Variants in MCM2 observed in about 807,000 individuals in gnomAD.
MCM2 encodes DNA replication licensing factor MCM2.
MCM2 carries 49 observed loss-of-function variants against 86.4 expected under a neutral mutation model. The observed-to-expected ratio is 0.57, with a 90% confidence interval of 0.45 to 0.72. The LOEUF is 0.72. Among genes scored for constraint, MCM2 ranks in the 30% least tolerant of loss-of-function variants. The pLI is 0.00. For missense variants in MCM2, 1,038 were observed against 1,259.9 expected (o/e 0.82, Z 2.67); for synonymous variants, 475 against 484.6 (o/e 0.98, Z 0.26).
chr3:127,615,786 C>G, intron 8 of MCM2, 76 bp from the exon 9 acceptor site: 1 of 1,072,114 alleles, frequency 9.3e-7, no homozygotes, highest in Non-Finnish European at 1.4e-6. Context: ...TCGTGGTTCC[C>G]TGATGCCAGA....
Position 127,618,192 on chromosome 3 carries a change from G to A in MCM2, c.2013+111G>A. ...GGGGACAGGTGCTGCAGGGGCCATAGGCTGTTTTCTAGTCCTGTTCCCTCG... is the reference window on the plus strand; with the variant it reads ...GGGGACAGGTGCTGCAGGGGCCATAAGCTGTTTTCTAGTCCTGTTCCCTCG... On this transcript the variant is annotated intron_variant, in intron 12 of 15. Transcript: ENST00000265056. The surrounding 1 kb of genome is among the most constrained non-coding windows in gnomAD (Gnocchi z 4.0). 1 of 819,224 alleles carries A rather than the reference G, an allele frequency of 1.2e-6. No individual in the cohort carries two copies. The highest frequency in any genetic ancestry group is 2.1e-6 in the Non-Finnish European group (1 of 485,352). 50.7% of individuals were successfully genotyped at this position (819,224 alleles called of 1,614,324 possible). A position where few individuals can be genotyped will look rare whatever the true frequency, so the allele number is the denominator to read the frequency against.
rs749850316 is a variant in MCM2, at chr3:127,598,486, C to T, written c.6+14C>T. ...ACTGCTATGGCGGTGAGCGCGCTGG[C>T]GCGTGGCGGGCGGGCGCCGGGGACA... On this transcript the variant is annotated intron_variant, in intron 1 of 15. Coordinates refer to ENST00000265056, the MANE Select transcript of MCM2 (RefSeq NM_004526.4). 4.3e-6 allele frequency: 7 copies of T among 1,612,054 alleles called. No homozygotes were observed. The African/African-American group carries it at 9.4e-5, about 22-fold the overall frequency.
Position 127,621,961 on chromosome 3 carries a change from C to T in MCM2, c.*188C>T, listed in dbSNP as rs1379742138. On this transcript the variant is annotated 3_prime_UTR_variant, in exon 16 of 16. Transcript: ENST00000265056. ...TCCAAGCCTGCTTTGTGCTTCTCACCTTTGGGTGGGATGCCTTGCCAGTGT... is the reference window on the plus strand; with the variant it reads ...TCCAAGCCTGCTTTGTGCTTCTCACTTTTGGGTGGGATGCCTTGCCAGTGT... 3.6e-6 allele frequency: 2 copies of T among 552,866 alleles called. No individual in the cohort carries two copies. Among genetic ancestry groups the T allele is most frequent in the South Asian group, 2.2e-5 (1 of 45,510 alleles). 34.2% of individuals were successfully genotyped at this position (552,866 alleles called of 1,614,324 possible). A position where few individuals can be genotyped will look rare whatever the true frequency, so the allele number is the denominator to read the frequency against.
At chr3:127,619,004 C>G in intron 12 of MCM2, 23 bp from the exon 13 acceptor site, 2 of 1,558,694 alleles carry the variant, frequency 1.3e-6, no homozygotes, top group South Asian at 2.4e-5. Flanking sequence ...CAATCAGACC[C>G]ACCCTCTCAT....
At position 127,606,856 on chromosome 3, in the gene MCM2, G is replaced by A. The variant is rs2074355882; in HGVS notation, c.1101+39G>A. On this transcript the variant is annotated intron_variant, in intron 6 of 15. Transcript: ENST00000265056. This position sits in a 1 kb window ranked among gnomAD's most constrained non-coding sequence, Gnocchi z 4.2. The stretch of plus-strand genomic sequence containing the variant: ...CAAGGTCTGCTGCCAGCTGTCCTTA[G>A]GGGTGCCCAGTATGCAGGACCTGAC... 6.2e-7 allele frequency: 1 copy of A among 1,600,908 alleles called. No individual in the cohort carries two copies. Among genetic ancestry groups the A allele is most frequent in the African/African-American group, 1.3e-5 (1 of 74,774 alleles).
Position 127,606,588 on chromosome 3 carries a change from G to T in MCM2, c.894-22G>T, listed in dbSNP as rs912697142. On this transcript the variant is annotated intron_variant, in intron 5 of 15. Coordinates refer to ENST00000265056, the MANE Select transcript of MCM2 (RefSeq NM_004526.4). This position sits in a 1 kb window ranked among gnomAD's most constrained non-coding sequence, Gnocchi z 4.2. ...GGCCTCACCCTGGCTCACGGCTTCT[G>T]ATGCACCCTCTGCCTCCGCAGGCAG... The T allele has an allele frequency of 6.2e-7, 1 of 1,609,836 alleles. No individual in the cohort carries two copies.
At position 127,599,426 on chromosome 3, in the gene MCM2, A is replaced by C. The variant is rs1576410104; in HGVS notation, c.115A>C (p.Thr39Pro). ...GRSSRRTDAL[T>P]SSPGRDLPPF... ...AAGCTCCCGGCGTACTGATGCCCTCACCTCCAGCCCTGGCCGTGACCTTCC... is the reference window on the plus strand; with the variant it reads ...AAGCTCCCGGCGTACTGATGCCCTCCCCTCCAGCCCTGGCCGTGACCTTCC... The change falls in exon 2 of 16, where the codon ACC becomes CCC. Residue 39 changes from threonine to proline, a missense_variant. Physicochemically the swap from Thr to Pro is conservative, Grantham distance 38 (BLOSUM62 -1). Coordinates refer to ENST00000265056, the MANE Select transcript of MCM2 (RefSeq NM_004526.4). The C allele has an allele frequency of 6.2e-7, 1 of 1,613,952 alleles. No individual in the cohort carries two copies. The highest frequency in any genetic ancestry group is 8.5e-7 in the Non-Finnish European group (1 of 1,180,008).
At chr3:127,608,238 G>T in intron 6 of MCM2, 144 bp from the exon 7 acceptor site, 1 of 1,005,220 alleles carries the variant, frequency 9.9e-7, no homozygotes, top group South Asian at 1.5e-5. Context: ...GTGCTGAGTC[G>T]CCATGAACTC....
At chr3:127,611,682 C>CTTTTGTTTT (rs2074396799) in intron 8 of MCM2, among the ~76,000 whole-genome samples, 1 of 54,256 alleles carries the variant, frequency 1.8e-5, no homozygotes, top group Non-Finnish European at 3.1e-5. Flanking sequence ...CTGCAGCTGA[C>CTTTTGTTTT]TTTTTTTTTT....
In MCM2 at chr3:127,617,587, T is replaced by G; in HGVS notation, c.1900+182T>G. On this transcript the variant is annotated intron_variant, in intron 11 of 15. Coordinates refer to ENST00000265056, the MANE Select transcript of MCM2 (RefSeq NM_004526.4). The surrounding 1 kb of genome is among the most constrained non-coding windows in gnomAD (Gnocchi z 4.1). ...CAGTGAAAGTGGGACCTGGGACACC[T>G]GGGTTTCCTGTTGAGTCATGTTCCT... The G allele has an allele frequency of 1.3e-6, 1 of 750,728 alleles. No homozygotes were observed. The allele number at this position is 750,728 out of a possible 1,614,324, so 46.5% of individuals were successfully genotyped here.
chr3:127,619,016 G>A lies in MCM2; in HGVS notation c.2014-11G>A. 6.3e-7 allele frequency: 1 copy of A among 1,576,284 alleles called. No homozygotes were observed. ...CCACAATCAGACCCACCCTCTCATGGCTTATCTTAGGACGAGATGCTGGCC... is the reference window on the plus strand; with the variant it reads ...CCACAATCAGACCCACCCTCTCATGACTTATCTTAGGACGAGATGCTGGCC... On this transcript the variant is annotated splice_polypyrimidine_tract_variant and intron_variant, in intron 12 of 15. Coordinates refer to ENST00000265056, the MANE Select transcript of MCM2 (RefSeq NM_004526.4).
intron 2 of MCM2, among the ~76,000 whole-genome samples, chr3:127,602,444 G>C (rs775906384): frequency 6.6e-6 from 1 of 152,154 alleles, no homozygotes; most frequent in Non-Finnish European, 1.5e-5. Context: ...CAAGGGGATT[G>C]TCTTGGGGAG....
Position 127,606,773 on chromosome 3 carries a change from C to A in MCM2, c.1057C>A (p.Pro353Thr). The change falls in exon 6 of 16, where the codon CCT (proline) becomes ACT (threonine). Residue 353 changes from proline (P) to threonine (T), a missense_variant. Physicochemically the swap from Pro to Thr is conservative, Grantham distance 38. Transcript: ENST00000265056. This position sits in a 1 kb window ranked among gnomAD's most constrained non-coding sequence, Gnocchi z 4.2. ...CCAGGAGGTGAAACCAGGCTCCTGT[C>A]CTGAGTGCCAGTCGGCCGGCCCCTT... ...QNQEVKPGSC[P>T]ECQSAGPFEV... 1 of 1,614,234 alleles carries A rather than the reference C, an allele frequency of 6.2e-7. No individual in the cohort carries two copies.
At chr3:127,616,700 A>T (rs1156325963) in intron 9 of MCM2, among the ~76,000 whole-genome samples, 168 bp from the exon 10 acceptor site, 1 of 152,190 alleles carries the variant, frequency 6.6e-6, no homozygotes, top group East Asian at 1.9e-4. Flanking sequence ...TTTCCCTGGG[A>T]GTGCCCAGAG....
At chr3:127,611,681 A>ATTTT (rs2074396629) in intron 8 of MCM2, among the ~76,000 whole-genome samples, 1 of 91,942 alleles carries the variant, frequency 1.1e-5, no homozygotes, top group Non-Finnish European at 2.0e-5. Flanking sequence ...TCTGCAGCTG[A>ATTTT]CTTTTTTTTT....
chr3:127,602,104 G>T (rs2074309956), intron 2 of MCM2, among the ~76,000 whole-genome samples: 6 of 148,994 alleles, frequency 4.0e-5, no homozygotes, highest in Admixed American at 4.0e-4. Context: ...CTTTTTCGTG[G>T]TTTTAATGTT....
chr3:127,621,323 G>T lies in MCM2; in HGVS notation c.2604+95G>T, dbSNP rs796553937. The T allele has an allele frequency of 6.2e-6, 9 of 1,462,608 alleles. No homozygotes were observed. In the African/African-American group the frequency reaches 1.3e-4, roughly 21 times the overall value. The allele number at this position is 1,462,608 out of a possible 1,614,324, so 90.6% of individuals were successfully genotyped here. ...CTCCATCATAATGGGTCATGAAGTG[G>T]GTGGGCCTTGGTTGACAGCCATTTA... On this transcript the variant is annotated intron_variant, in intron 15 of 15. Transcript: ENST00000265056.
chr3:127,600,609 C>T (rs1172503770), intron 2 of MCM2, among the ~76,000 whole-genome samples: 2 of 152,152 alleles, frequency 1.3e-5, no homozygotes, highest in Non-Finnish European at 2.9e-5. Context: ...GATGAGACTG[C>T]ATGTGCTGTA....
rs748593886 is a variant in MCM2, at chr3:127,619,269, A to G, written c.2256A>G (p.Lys752=). 1.1e-5 allele frequency: 18 copies of G among 1,613,310 alleles called. No homozygotes were observed. Among genetic ancestry groups the G allele is most frequent in the Non-Finnish European group, 1.4e-5 (17 of 1,179,458 alleles). The change falls in exon 13 of 16, where the codon AAA becomes AAG. Residue 752 remains lysine (K), a synonymous_variant. Coordinates refer to ENST00000265056, the MANE Select transcript of MCM2 (RefSeq NM_004526.4). The part of the protein sequence containing the change: ...KVAKMYSDLR[K]ESMATGSIPI... ...CCAAGATGTACAGTGACCTGAGGAA[A>G]GAATCTATGGTGAGAGCCCAGGCAG...
Sources: gnomAD v4.1 joint callset for allele counts (sites outside exome capture counted in the v4.1 genomes callset) on GRCh38, gnomAD v4.1.1 for gene constraint, Gnocchi (gnomAD v3.1) non-coding constraint, MANE v1.5 for transcripts, NCBI Gene and HGNC (gene_info 2026-07-23, HGNC 2026-07-21) for gene names.